Variants in SCAI observed in about 807,000 individuals in gnomAD.
SCAI encodes protein SCAI.
Under a neutral mutation model 92.2 loss-of-function variants are expected in SCAI, and 24 were observed. That is an observed-to-expected ratio of 0.26 (90% CI 0.19 to 0.37). The LOEUF (loss-of-function observed/expected upper bound fraction) is 0.37, where lower values mean the gene tolerates loss of function less well. Ranked by LOEUF, SCAI falls within the 10% of genes least tolerant of loss-of-function variation. SCAI has a pLI of 1.00. For synonymous variants in SCAI, 261 were observed against 258.6 expected, an observed-to-expected ratio of 1.01 and a Z score of -0.09; for missense variants, 450 against 736.2, an observed-to-expected ratio of 0.61 and a Z score of 4.50.
Position 125,073,944 on chromosome 9 carries a change from C to CT in SCAI, c.99-17938dup, listed in dbSNP as rs751030059. Among the ~76,000 whole-genome samples, 459 of 142,802 alleles carry CT rather than the reference C, an allele frequency of 3.2e-3. 1 individual carries two copies. Among genetic ancestry groups the CT allele is most frequent in the African/African-American group, 8.1e-3 (317 of 39,056 alleles). The allele number at this position is 142,802 out of a possible 152,430, so 93.7% of individuals were successfully genotyped here. ...AATTTCCCTAAGCACTCTCGTTCTC[C>CT]TTTTTTTTTTTTTTAAACATAGAGT... On this transcript the variant is annotated intron_variant, in intron 2 of 17. Transcript: ENST00000336505.
chr9:125,019,025 T>C (rs1832818325), intron 8 of SCAI, 74 bp from the exon 9 acceptor site: 13 of 1,540,466 alleles, frequency 8.4e-6, no homozygotes, highest in Admixed American at 5.4e-5. Context: ...TTCCTTCTTC[T>C]TGACATATAC....
At chr9:125,003,345 T>C in intron 10 of SCAI, 124 bp downstream of exon 10, 1 of 983,612 alleles carries the variant, frequency 1.0e-6, no homozygotes, top group South Asian at 1.3e-5. Context: ...ATGATCTATT[T>C]CTCCATGTCT....
chr9:125,017,848 T>C (rs752175919), intron 9 of SCAI, among the ~76,000 whole-genome samples: 10 of 151,388 alleles, frequency 6.6e-5, no homozygotes, highest in Non-Finnish European at 1.5e-4. Flanking sequence ...CTCTACTAAA[T>C]ATACAAAAAT....
chr9:125,056,050 A>G lies in SCAI; in HGVS notation c.99-43T>C, dbSNP rs760828146. ...TTCATTCATGCAGGAGGTAAAAATAAAAATAGAAAAAAACCTTAGTTATAT... is the reference window on the plus strand; with the variant it reads ...TTCATTCATGCAGGAGGTAAAAATAGAAATAGAAAAAAACCTTAGTTATAT... On this transcript the variant is annotated intron_variant, in intron 2 of 17. Coordinates refer to ENST00000336505, the MANE Select transcript of SCAI (RefSeq NM_001144877.3). The G allele has an allele frequency of 1.7e-5, 25 of 1,468,030 alleles. No homozygotes were observed. In the South Asian group the frequency reaches 2.9e-4, roughly 17 times the overall value. The allele number at this position is 1,468,030 out of a possible 1,614,324, so 90.9% of individuals were successfully genotyped here. A position where few individuals can be genotyped will look rare whatever the true frequency, so the allele number is the denominator to read the frequency against.
chr9:125,022,179 C>A (rs531129391), intron 6 of SCAI, among the ~76,000 whole-genome samples: 1 of 152,180 alleles, frequency 6.6e-6, no homozygotes, highest in East Asian at 1.9e-4. Flanking sequence ...AATTTCCCCA[C>A]TTTAAAAAAA....
intron 3 of SCAI, among the ~76,000 whole-genome samples, chr9:125,046,194 G>GATATATATATAT (rs1554784565): frequency 5.8e-4 from 9 of 15,512 alleles, no homozygotes; most frequent in South Asian, 2.3e-3. Context: ...AAGAAATTGT[G>GATATATATATAT]AGATATATAT....
intron 17 of SCAI, among the ~76,000 whole-genome samples, chr9:124,956,909 T>C (rs1242587183): frequency 6.6e-6 from 1 of 151,672 alleles, no homozygotes; most frequent in Non-Finnish European, 1.5e-5. Flanking sequence ...ATCTTGTATA[T>C]AGAAAATTTT....
chr9:125,114,632 G>C lies in SCAI; in HGVS notation c.98+28001C>G, dbSNP rs149762627. The stretch of plus-strand genomic sequence containing the variant: ...TTTTTTTTATTCCCCCAGAGATAGG[G>C]TCTTGCTCTGTTGCCCAGGCTGTAG... On this transcript the variant is annotated intron_variant, in intron 2 of 17. Transcript: ENST00000336505. 1.7e-4 allele frequency among the ~76,000 whole-genome samples: 26 copies of C among 152,070 alleles called. 1 individual carries two copies. The East Asian group carries it at 4.8e-3, about 28-fold the overall frequency.
At chr9:124,963,475 C>G (rs546912828) in intron 17 of SCAI, among the ~76,000 whole-genome samples, 9 of 151,996 alleles carry the variant, frequency 5.9e-5, no homozygotes, top group African/African-American at 2.2e-4. Context: ...CAGGGCTGAG[C>G]ACGGTGGCTC....
At chr9:124,964,607 C>T (rs868678266) in intron 17 of SCAI, among the ~76,000 whole-genome samples, 1 of 152,150 alleles carries the variant, frequency 6.6e-6, no homozygotes, top group East Asian at 1.9e-4. Flanking sequence ...GTCCTTAGGA[C>T]CCCCCATCTA....
At chr9:124,981,655 T>A (rs985105497) in intron 14 of SCAI, among the ~76,000 whole-genome samples, 13 of 143,060 alleles carry the variant, frequency 9.1e-5, no homozygotes, top group Non-Finnish European at 1.8e-4. Context: ...TAGTATTAAA[T>A]TTTTTTTTTT....
rs893218884 is a variant in SCAI, at chr9:124,946,408, C to T, written c.*6399G>A. 2.6e-5 allele frequency: 4 copies of T among 152,062 alleles called. No individual in the cohort carries two copies. The highest frequency in any genetic ancestry group is 9.7e-5 in the African/African-American group (4 of 41,376). 9.4% of individuals were successfully genotyped at this position (152,062 alleles called of 1,614,324 possible). On this transcript the variant is annotated 3_prime_UTR_variant, in exon 18 of 18. Transcript: ENST00000336505. This position sits in a 1 kb window ranked among gnomAD's most constrained non-coding sequence, Gnocchi z 4.0. ...TTTTTTTGGGTGGTAAAACAGACTC[C>T]TGAGATAATTTCTCTATTTTAAGAT...
At chr9:125,123,086 G>A (rs775895882) in intron 2 of SCAI, among the ~76,000 whole-genome samples, 2 of 152,156 alleles carry the variant, frequency 1.3e-5, no homozygotes, top group Non-Finnish European at 2.9e-5. Flanking sequence ...GCTACGACAG[G>A]CTCAGTGGCT....
chr9:124,955,880 CAG>C (rs1307755692), intron 17 of SCAI, among the ~76,000 whole-genome samples: 2 of 152,050 alleles, frequency 1.3e-5, no homozygotes. Flanking sequence ...TAAGAAGTAA[CAG>C]AATGCATAAA....
chr9:125,054,946 C>A (rs1229440465), intron 3 of SCAI, among the ~76,000 whole-genome samples: 3 of 151,986 alleles, frequency 2.0e-5, no homozygotes, highest in African/African-American at 7.3e-5. Flanking sequence ...TGGTGAGTGT[C>A]ATGAAGCAAA....
At chr9:125,070,599 A>C (rs549133457) in intron 2 of SCAI, among the ~76,000 whole-genome samples, 1 of 151,944 alleles carries the variant, frequency 6.6e-6, no homozygotes, top group East Asian at 1.9e-4. Flanking sequence ...GGTTTTTACC[A>C]TGTTGGCCAG....
At chr9:124,986,485 C>A (rs1831992427) in intron 14 of SCAI, among the ~76,000 whole-genome samples, 1 of 151,930 alleles carries the variant, frequency 6.6e-6, no homozygotes, top group Admixed American at 6.6e-5. Context: ...ACCAAAGAAA[C>A]AAAATGATGG....
At chr9:125,024,967 C>T (rs10119842) in intron 6 of SCAI, among the ~76,000 whole-genome samples, 32,957 of 152,132 alleles carry the variant, frequency 0.22, 3,982 homozygotes, top group African/African-American at 0.29. Flanking sequence ...TCGACATAAT[C>T]CTTAGCTGTC....
rs1485150528 is a variant in SCAI at position 124,949,439 on chromosome 9, A to AT, written c.*3367dup. The AT allele has an allele frequency of 1.4e-4, 21 of 152,254 alleles. No individual in the cohort carries two copies. Among genetic ancestry groups the AT allele is most frequent in the African/African-American group, 4.8e-4 (20 of 41,462 alleles). The allele number at this position is 152,254 out of a possible 1,614,324, so 9.4% of individuals were successfully genotyped here. A position where few individuals can be genotyped will look rare whatever the true frequency, so the allele number is the denominator to read the frequency against. ...TGTTCATGCAAATGTGACCTTCCTAATGAAGCCTACCCTGATCATCACTTT... is the reference window on the plus strand; with the variant it reads ...TGTTCATGCAAATGTGACCTTCCTAATTGAAGCCTACCCTGATCATCACTTT... On this transcript the variant is annotated 3_prime_UTR_variant, in exon 18 of 18. Transcript: ENST00000336505. This position sits in a 1 kb window ranked among gnomAD's most constrained non-coding sequence, Gnocchi z 4.0.
Sources: allele counts gnomAD v4.1 joint callset (sites outside exome capture counted in the v4.1 genomes callset), GRCh38; gene constraint gnomAD v4.1.1; non-coding constraint Gnocchi (gnomAD v3.1); transcripts MANE v1.5; gene names NCBI Gene and HGNC (gene_info 2026-07-23, HGNC 2026-07-21).